Variants in DNM3 observed in about 807,000 individuals in gnomAD.
DNM3 encodes the protein dynamin 3.
Under a neutral mutation model 101.6 loss-of-function variants are expected in DNM3, and 47 were observed. The observed-to-expected ratio is 0.46, with a 90% CI of 0.37 to 0.59. The LOEUF (loss-of-function observed/expected upper bound fraction) is 0.59, where lower values mean the gene tolerates loss of function less well. Among genes scored for constraint, DNM3 ranks in the 20% least tolerant of loss-of-function variants. DNM3 has a pLI of 0.00. For missense variants in DNM3, 849 were observed against 1,085.7 expected (o/e 0.78, Z 3.06); for synonymous variants, 385 against 387.9 (o/e 0.99, Z 0.09).
At chr1:172,142,358 A>C (rs903222381) in intron 14 of DNM3, 5 of 152,158 alleles carry the variant, frequency 3.3e-5, no homozygotes, top group African/African-American at 9.6e-5. Flanking sequence ...GCCTTCATTC[A>C]GCAGAGCTTT....
At chr1:172,196,857 T>G (rs2059968694) in intron 14 of DNM3, among the ~76,000 whole-genome samples, 1 of 152,166 alleles carries the variant, frequency 6.6e-6, no homozygotes, top group Non-Finnish European at 1.5e-5. Flanking sequence ...TTCTGTAGGT[T>G]GTCCATTTGT....
intron 7 of DNM3, among the ~76,000 whole-genome samples, chr1:172,040,242 A>G (rs1338657164): frequency 1.3e-5 from 2 of 152,166 alleles, no homozygotes; most frequent in Non-Finnish European, 2.9e-5. Context: ...AGGTGTTTTT[A>G]AAAAATAAAA....
At chr1:172,198,938 A>G (rs957518331) in intron 14 of DNM3, among the ~76,000 whole-genome samples, 12 of 151,560 alleles carry the variant, frequency 7.9e-5, no homozygotes, top group African/African-American at 2.7e-4. Context: ...GATATTTCTC[A>G]TCTTCTGCTA....
chr1:172,126,625 C>A (rs897270627), intron 13 of DNM3, among the ~76,000 whole-genome samples: 6 of 152,098 alleles, frequency 3.9e-5, no homozygotes, highest in Non-Finnish European at 7.3e-5. Flanking sequence ...AGGAATGAAT[C>A]TAATGGTGCC....
chr1:171,846,515 G>A (rs2032124431), intron 1 of DNM3, among the ~76,000 whole-genome samples: 1 of 152,200 alleles, frequency 6.6e-6, no homozygotes, highest in Non-Finnish European at 1.5e-5. Context: ...CATTTAGAGT[G>A]TTAGGTATTC....
chr1:172,175,034 A>G (rs1032242521), intron 14 of DNM3, among the ~76,000 whole-genome samples: 2 of 151,718 alleles, frequency 1.3e-5, no homozygotes, highest in Non-Finnish European at 3.0e-5. Flanking sequence ...TGAAGCATAC[A>G]GCATTCTAAC....
intron 14 of DNM3, among the ~76,000 whole-genome samples, chr1:172,151,381 C>G (rs1020080468): frequency 6.6e-6 from 1 of 152,116 alleles, no homozygotes; most frequent in African/African-American, 2.4e-5. Context: ...GGTTTCTATT[C>G]GAGTGGAGCT....
intron 14 of DNM3, among the ~76,000 whole-genome samples, chr1:172,172,926 T>C (rs1312953374): frequency 2.0e-5 from 3 of 151,886 alleles, no homozygotes; most frequent in Non-Finnish European, 4.4e-5. Flanking sequence ...TTTTTAACCA[T>C]TGTTGGCCTT....
chr1:171,959,685 G>A (rs2043087237), intron 2 of DNM3, among the ~76,000 whole-genome samples: 1 of 152,180 alleles, frequency 6.6e-6, no homozygotes, highest in Non-Finnish European at 1.5e-5. Context: ...AGTCCATAAA[G>A]AGAAGGAAGG....
chr1:172,189,092 T>C (rs570012727), intron 14 of DNM3, among the ~76,000 whole-genome samples: 1 of 152,178 alleles, frequency 6.6e-6, no homozygotes, highest in South Asian at 2.1e-4. Context: ...CTTATAGTTC[T>C]TTCAGCATCT....
chr1:172,269,221 A>C (rs953326017), intron 15 of DNM3, among the ~76,000 whole-genome samples: 1 of 152,210 alleles, frequency 6.6e-6, no homozygotes, highest in African/African-American at 2.4e-5. Flanking sequence ...AAGTTCAAGA[A>C]CAAAAAGAAA....
chr1:172,418,342 T>G (rs992691985), exon 21 of DNM3: 96 of 1,287,986 alleles, frequency 7.5e-5, no homozygotes, highest in Non-Finnish European at 9.4e-5. Context: ...CTCCTTTTGT[T>G]TCCAACAACA....
chr1:171,997,468 A>T (rs1360493805), intron 4 of DNM3, among the ~76,000 whole-genome samples: 2 of 152,142 alleles, frequency 1.3e-5, no homozygotes, highest in Non-Finnish European at 2.9e-5. Flanking sequence ...AGAGTAAAGG[A>T]GCAGACTAAG....
chr1:171,989,391 G>A (rs1191800280), intron 4 of DNM3, among the ~76,000 whole-genome samples: 1 of 151,820 alleles, frequency 6.6e-6, no homozygotes, highest in Non-Finnish European at 1.5e-5. Context: ...ATAAATCTAA[G>A]AATAATGAGA....
At chr1:171,914,001 G>C (rs1411157301) in intron 1 of DNM3, among the ~76,000 whole-genome samples, 3 of 151,904 alleles carry the variant, frequency 2.0e-5, no homozygotes, top group Non-Finnish European at 2.9e-5. Context: ...TGTTGCTCAG[G>C]CTGGTCTGGA....
intron 18 of DNM3, among the ~76,000 whole-genome samples, chr1:172,380,519 G>A (rs2068838196): frequency 6.6e-6 from 1 of 151,964 alleles, no homozygotes; most frequent in Non-Finnish European, 1.5e-5. Flanking sequence ...CAACAGGTAA[G>A]CAATAAATTA....
chr1:172,222,685 G>A (rs185651566), intron 14 of DNM3, among the ~76,000 whole-genome samples: 1 of 152,094 alleles, frequency 6.6e-6, no homozygotes, highest in African/African-American at 2.4e-5. Flanking sequence ...ATATTTAGGG[G>A]TTTGTTTTGT....
chr1:172,190,248 T>C (rs1345793875), intron 14 of DNM3, among the ~76,000 whole-genome samples: 9 of 152,060 alleles, frequency 5.9e-5, no homozygotes. Flanking sequence ...CACCTATGAT[T>C]GAGAACATGC....
At position 172,126,129 on chromosome 1, in the gene DNM3, T is replaced by C. The variant is rs182105686; in HGVS notation, c.1546-5046T>C. ...GAAAAGTACATTAGGAATTGTTCTT[T>C]CTAAAATCCTATTTTGAGCTGATTG... On this transcript the variant is annotated intron_variant, in intron 13 of 20. Coordinates refer to ENST00000627582, the MANE Select transcript of DNM3 (RefSeq NM_015569.5). 2.0e-3 allele frequency among the ~76,000 whole-genome samples: 302 copies of C among 152,342 alleles called. 2 individuals are homozygous for C. The highest frequency in any genetic ancestry group is 6.7e-3 in the African/African-American group (279 of 41,578).
Sources: gnomAD v4.1 joint callset for allele counts (sites outside exome capture counted in the v4.1 genomes callset) on GRCh38, gnomAD v4.1.1 for gene constraint, MANE v1.5 for transcripts, NCBI Gene and HGNC (gene_info 2026-07-23, HGNC 2026-07-21) for gene names.